Variants in MELTF observed in about 807,000 individuals in gnomAD.
The protein encoded by MELTF is melanotransferrin, also known as antigen p97 (melanoma associated) identified by monoclonal antibodies 133.2 and 96.5.
In MELTF, 67 loss-of-function variants were observed where a neutral mutation model predicts 83.7. The ratio of observed to expected loss-of-function variants is 0.80; its 90% CI spans 0.66 to 0.98. MELTF has a LOEUF of 0.98. Among genes scored for constraint, MELTF ranks in the 50% least tolerant of loss-of-function variants. MELTF has a pLI of 0.00. For synonymous variants in MELTF, 462 were observed against 447.6 expected (o/e 1.03, Z -0.41); for missense variants, 1,002 against 1,035.6 (o/e 0.97, Z 0.44).
In MELTF at chr3:197,017,292, T is replaced by C. The variant is rs759025584; in HGVS notation, c.713-2A>G. ...GGCCCCAGGAGGGAAGCGTCTTCCC[T>C]GGGAAGCAGGAAGCCTGGGCTGAGC... On this transcript the variant is annotated splice_acceptor_variant, in intron 6 of 15. Coordinates refer to ENST00000296350, the MANE Select transcript of MELTF (RefSeq NM_005929.6). LOFTEE classifies it high-confidence loss of function. The C allele has an allele frequency of 4.6e-6, 7 of 1,534,632 alleles. No homozygotes were observed. Among genetic ancestry groups the C allele is most frequent in the East Asian group, 2.4e-5 (1 of 42,342 alleles).
chr3:197,013,963 A>G (rs1719270262), intron 9 of MELTF, among the ~76,000 whole-genome samples: 1 of 152,196 alleles, frequency 6.6e-6, no homozygotes, highest in South Asian at 2.1e-4. Flanking sequence ...CAAACTACAA[A>G]TCGAACTATT....
Position 197,024,321 on chromosome 3 carries a change from C to A in MELTF, c.469G>T (p.Gly157Cys). 1 of 1,580,458 alleles carries A rather than the reference C, an allele frequency of 6.3e-7. No homozygotes were observed. Among genetic ancestry groups the A allele is most frequent in the East Asian group, 2.3e-5 (1 of 44,226 alleles). Residue 157 changes from glycine to cysteine, a missense_variant, in exon 4 of 16, where the codon GGC becomes TGC. By Grantham distance (159) the Gly-to-Cys change is radical. Coordinates refer to ENST00000296350, the MANE Select transcript of MELTF (RefSeq NM_005929.6). The surrounding 1 kb of genome is among the most constrained non-coding windows in gnomAD (Gnocchi z 5.3). ...CCCTCACCTTTGAGTACATCGCAGC[C>A]CATCACCGAGAGGCGGCCGCTCTCC... ...LVESGRLSVM[G>C]CDVLKAVSDY...
rs768370685 is a variant in MELTF at position 197,024,407 on chromosome 3, T to G, written c.383A>C (p.Lys128Thr). The change falls in exon 4 of 16, where the codon AAG becomes ACG. Residue 128 changes from lysine (K) to threonine (T), a missense_variant. Transcript: ENST00000296350. The surrounding 1 kb of genome is among the most constrained non-coding windows in gnomAD (Gnocchi z 5.3). Reference sequence around the variant, plus strand: ...GCGATTGATGCCCGTGTGGCAGGACTTCACGCCTTTCAGGGTGTCAATGGT... The same window carrying G: ...GCGATTGATGCCCGTGTGGCAGGACGTCACGCCTTTCAGGGTGTCAATGGT... ...HVTIDTLKGVKSCHTGINRTV... is the reference protein window; with the variant it reads ...HVTIDTLKGVTSCHTGINRTV... 3.1e-6 allele frequency: 5 copies of G among 1,610,640 alleles called. No homozygotes were observed. Among genetic ancestry groups the G allele is most frequent in the Non-Finnish European group, 3.4e-6 (4 of 1,178,180 alleles).
At chr3:197,010,528 G>C (rs1287311762) in intron 10 of MELTF, among the ~76,000 whole-genome samples, 170 bp downstream of exon 10, 2 of 152,368 alleles carry the variant, frequency 1.3e-5, no homozygotes, top group Middle Eastern at 3.4e-3. Context: ...TTGTTGAATA[G>C]TTGGGGAAAC....
rs1221985433 is a variant in MELTF at position 197,006,863 on chromosome 3, A to T, written c.1751-127T>A. On this transcript the variant is annotated intron_variant, in intron 13 of 15. Transcript: ENST00000296350. This position sits in a 1 kb window ranked among gnomAD's most constrained non-coding sequence, Gnocchi z 5.4. ...GTGGCAACATCTGGCCAGCTCCCCA[A>T]CCCTCTCCATTCTCCACGTGCTCTG... The T allele has an allele frequency of 1.2e-6, 1 of 819,794 alleles. No individual in the cohort carries two copies. Among genetic ancestry groups the T allele is most frequent in the Non-Finnish European group, 1.8e-6 (1 of 570,362 alleles). The allele number at this position is 819,794 out of a possible 1,614,324, so 50.8% of individuals were successfully genotyped here.
chr3:197,006,416 G>A lies in MELTF; in HGVS notation c.1938+133C>T, dbSNP rs1227581076. The A allele has an allele frequency of 1.1e-5, 8 of 761,626 alleles. No individual in the cohort carries two copies. The highest frequency in any genetic ancestry group is 3.7e-5 in the African/African-American group (2 of 54,642). 47.2% of individuals were successfully genotyped at this position (761,626 alleles called of 1,614,324 possible). A position where few individuals can be genotyped will look rare whatever the true frequency, so the allele number is the denominator to read the frequency against. On this transcript the variant is annotated intron_variant, in intron 14 of 15. Transcript: ENST00000296350. The surrounding 1 kb of genome is among the most constrained non-coding windows in gnomAD (Gnocchi z 5.4). ...TTTCTGGAGGGATGTCCTTGCGTAA[G>A]TGAAAATCACAGAATTTCCCCCGGG...
At chr3:197,013,923 G>A (rs188650051) in intron 9 of MELTF, among the ~76,000 whole-genome samples, 4 of 152,328 alleles carry the variant, frequency 2.6e-5, no homozygotes, top group Admixed American at 2.0e-4. Context: ...CCGGACAGCC[G>A]CTATGGAAAA....
chr3:197,018,049 T>C (rs1719470364), intron 6 of MELTF, among the ~76,000 whole-genome samples: 1 of 152,206 alleles, frequency 6.6e-6, no homozygotes, highest in Non-Finnish European at 1.5e-5. Context: ...ACCCCAGGAC[T>C]AGAGAGGACG....
At chr3:197,017,681 T>C (rs1446522528) in intron 6 of MELTF, among the ~76,000 whole-genome samples, 1 of 152,052 alleles carries the variant, frequency 6.6e-6, no homozygotes, top group Non-Finnish European at 1.5e-5. Flanking sequence ...ATCAAGACCA[T>C]CCTGGCTAAC....
In MELTF at chr3:197,024,846, T is replaced by C. The variant is rs1283903959; in HGVS notation, c.305-361A>G. ...AGCAAGTCCTTGCTTTCCAAGAGCC[T>C]AGGCCCCTAGGAGAACTTGGAGGGT... On this transcript the variant is annotated intron_variant, in intron 3 of 15. Transcript: ENST00000296350. The surrounding 1 kb of genome is among the most constrained non-coding windows in gnomAD (Gnocchi z 5.3). Among the ~76,000 whole-genome samples the C allele has an allele frequency of 6.6e-6, 1 of 152,174 alleles. No homozygotes were observed. The highest frequency in any genetic ancestry group is 1.9e-4 in the East Asian group (1 of 5,204).
chr3:197,022,771 C>T lies in MELTF; in HGVS notation c.644+186G>A, dbSNP rs1719674134. Among the ~76,000 whole-genome samples the T allele has an allele frequency of 2.6e-5, 4 of 152,310 alleles. No homozygotes were observed. In the South Asian group the frequency reaches 8.3e-4, roughly 32 times the overall value. On this transcript the variant is annotated intron_variant, in intron 5 of 15. Coordinates refer to ENST00000296350, the MANE Select transcript of MELTF (RefSeq NM_005929.6). The surrounding 1 kb of genome is among the most constrained non-coding windows in gnomAD (Gnocchi z 5.1). ...GATTTCATGAGCAAATCCGGTTTGG[C>T]ATATTCCAGCTGGATGTTTTTAAAC...
In MELTF at chr3:197,021,392, T is replaced by C; in HGVS notation, c.712+12A>G. On this transcript the variant is annotated intron_variant, in intron 6 of 15. Coordinates refer to ENST00000296350, the MANE Select transcript of MELTF (RefSeq NM_005929.6). ...CCCTGCTCCTCTGGGCCCGTGCCCC[T>C]CCCCCACTCACCATCCGTGTTCTCC... The C allele has an allele frequency of 4.3e-6, 7 of 1,613,548 alleles. No individual in the cohort carries two copies. Among genetic ancestry groups the C allele is most frequent in the Non-Finnish European group, 5.1e-6 (6 of 1,179,758 alleles).
Position 197,029,289 on chromosome 3 carries a change from A to C in MELTF, c.49+365T>G. ...TCTTCTCCCGCGGGGGCTCGGGAGA[A>C]AGAGCTGCTCCGAGCCCCCAAAGTC... On this transcript the variant is annotated intron_variant, in intron 1 of 15. Coordinates refer to ENST00000296350, the MANE Select transcript of MELTF (RefSeq NM_005929.6). This position sits in a 1 kb window ranked among gnomAD's most constrained non-coding sequence, Gnocchi z 6.5. 7 of 208,676 alleles carry C rather than the reference A, an allele frequency of 3.4e-5. No individual in the cohort carries two copies. The highest frequency in any genetic ancestry group is 9.8e-5 in the East Asian group (1 of 10,242). 12.9% of individuals were successfully genotyped at this position (208,676 alleles called of 1,614,324 possible).
rs1282693684 is a variant in MELTF, at chr3:197,024,602, A to G, written c.305-117T>C. On this transcript the variant is annotated intron_variant, in intron 3 of 15. Transcript: ENST00000296350. This position sits in a 1 kb window ranked among gnomAD's most constrained non-coding sequence, Gnocchi z 5.3. ...GTGTGCACGGAGCACGGCTGTACAC[A>G]CGGATGTGTGCATAGCGTTCTCGTT... 2.3e-6 allele frequency: 2 copies of G among 865,134 alleles called. No homozygotes were observed. Among genetic ancestry groups the G allele is most frequent in the South Asian group, 2.1e-5 (1 of 47,528 alleles). The allele number at this position is 865,134 out of a possible 1,614,324, so 53.6% of individuals were successfully genotyped here.
chr3:197,018,321 G>A (rs1719483732), intron 6 of MELTF, among the ~76,000 whole-genome samples: 1 of 140,922 alleles, frequency 7.1e-6, no homozygotes, highest in African/African-American at 2.7e-5. Flanking sequence ...CTAATTTTTT[G>A]TATTTTTTTT....
rs937925652 is a variant in MELTF at position 197,022,034 on chromosome 3, T to C, written c.645-563A>G. 2.0e-4 allele frequency among the ~76,000 whole-genome samples: 31 copies of C among 152,136 alleles called. No individual in the cohort carries two copies. Among genetic ancestry groups the C allele is most frequent in the African/African-American group, 7.2e-4 (30 of 41,412 alleles). ...ATGCTGGGCTAATTTTCAGGGTGTTTTGAAGAGCATTCTACCCTGAGGCAG... is the reference window on the plus strand; with the variant it reads ...ATGCTGGGCTAATTTTCAGGGTGTTCTGAAGAGCATTCTACCCTGAGGCAG... On this transcript the variant is annotated intron_variant, in intron 5 of 15. Coordinates refer to ENST00000296350, the MANE Select transcript of MELTF (RefSeq NM_005929.6). This position sits in a 1 kb window ranked among gnomAD's most constrained non-coding sequence, Gnocchi z 5.1.
At chr3:197,012,038 TCCG>T (rs996208081) in intron 9 of MELTF, among the ~76,000 whole-genome samples, 1 of 152,172 alleles carries the variant, frequency 6.6e-6, no homozygotes, top group Admixed American at 6.5e-5. Flanking sequence ...ACGAGCCCTT[TCCG>T]CAGTTCCGGT....
At position 197,017,245 on chromosome 3, in the gene MELTF, A is replaced by G; in HGVS notation, c.758T>C (p.Phe253Ser). The G allele has an allele frequency of 6.3e-7, 1 of 1,585,822 alleles. No homozygotes were observed. The highest frequency in any genetic ancestry group is 1.3e-5 in the African/African-American group (1 of 74,822). Residue 253 changes from phenylalanine (F) to serine (S), a missense_variant, in exon 7 of 16, where the codon TTC becomes TCC. Phe to Ser is a radical substitution (Grantham distance 155, BLOSUM62 -2). Coordinates refer to ENST00000296350, the MANE Select transcript of MELTF (RefSeq NM_005929.6). The stretch of plus-strand genomic sequence containing the variant: ...GCTACCATCCCGGCACAGCAGCTCG[A>G]AGTCCTGTGACAGCAGGGCCTGGCC... ...SWGQALLSQD[F>S]ELLCRDGSRA...
In MELTF at chr3:197,011,206, G is replaced by A. The variant is rs1004195565; in HGVS notation, c.1234-412C>T. The stretch of plus-strand genomic sequence containing the variant: ...CAGCACAGCGTGTGCTGCAATGCCT[G>A]TCTGTTAAATGCGTGTACAGATGGA... On this transcript the variant is annotated intron_variant, in intron 9 of 15. Coordinates refer to ENST00000296350, the MANE Select transcript of MELTF (RefSeq NM_005929.6). This position sits in a 1 kb window ranked among gnomAD's most constrained non-coding sequence, Gnocchi z 4.2. Among the ~76,000 whole-genome samples, 4 of 152,254 alleles carry A rather than the reference G, an allele frequency of 2.6e-5. No homozygotes were observed. Among genetic ancestry groups the A allele is most frequent in the African/African-American group, 9.6e-5 (4 of 41,470 alleles).
Sources: gnomAD v4.1 joint callset for allele counts (sites outside exome capture counted in the v4.1 genomes callset) on GRCh38, gnomAD v4.1.1 for gene constraint, Gnocchi (gnomAD v3.1) non-coding constraint, MANE v1.5 for transcripts, NCBI Gene and HGNC (gene_info 2026-07-23, HGNC 2026-07-21) for gene names.